FAM210A: variants seen among roughly 807,000 people sequenced by gnomAD.
The protein encoded by FAM210A is mitochondrial inner membrane scaffold 1.
FAM210A carries 13 observed loss-of-function variants against 25.3 expected under a neutral mutation model. The observed-to-expected ratio is 0.51, with a 90% CI of 0.33 to 0.82. The LOEUF is 0.82. Among genes scored for constraint, FAM210A ranks in the 40% least tolerant of loss-of-function variants. The pLI, the probability that FAM210A is intolerant of heterozygous loss-of-function variation, is 0.02. For synonymous variants in FAM210A, 125 were observed against 118.7 expected, an observed-to-expected ratio of 1.05 and a Z score of -0.35; for missense variants, 319 against 323.2, an observed-to-expected ratio of 0.99 and a Z score of 0.10.
chr18:13,711,109 C>T (rs191176006), intron 1 of FAM210A, among the ~76,000 whole-genome samples: 6 of 152,306 alleles, frequency 3.9e-5, no homozygotes, highest in African/African-American at 9.6e-5. Context: ...CGGAGGCTCA[C>T]GCCTGTAATC....
chr18:13,707,896 CT>C (rs376355995), intron 1 of FAM210A, among the ~76,000 whole-genome samples: 5,148 of 147,312 alleles, frequency 0.035, 119 homozygotes, highest in Non-Finnish European at 0.053. Context: ...CATCATTTCC[CT>C]TTTTTTTTTT....
At chr18:13,704,300 A>C (rs1335805544) in intron 1 of FAM210A, among the ~76,000 whole-genome samples, 1 of 152,204 alleles carries the variant, frequency 6.6e-6, no homozygotes, top group East Asian at 1.9e-4. Context: ...AAGTTGCATA[A>C]GGTTTATAAA....
chr18:13,690,649 G>C (rs1418006175), intron 1 of FAM210A, among the ~76,000 whole-genome samples: 1 of 152,206 alleles, frequency 6.6e-6, no homozygotes, highest in Admixed American at 6.5e-5. Context: ...ATAGGGTCTG[G>C]AGTGGACCTC....
intron 1 of FAM210A, among the ~76,000 whole-genome samples, chr18:13,683,893 G>A (rs753236746): frequency 2.1e-4 from 32 of 152,108 alleles, no homozygotes; most frequent in South Asian, 8.3e-4. Flanking sequence ...GTACAAAGTT[G>A]ACTGGCAAAA....
intron 2 of FAM210A, among the ~76,000 whole-genome samples, chr18:13,679,659 C>A (rs1161341596): frequency 6.6e-6 from 1 of 152,076 alleles, no homozygotes; most frequent in African/African-American, 2.4e-5. Context: ...GGTCTAGCAA[C>A]CCGATTCCTA....
At position 13,666,486 on chromosome 18, in the gene FAM210A, C is replaced by A; in HGVS notation, c.813G>T (p.Val271=). The change falls in exon 4 of 4, where the codon GTG becomes GTT. Residue 271 remains valine, a synonymous_variant. Coordinates refer to ENST00000651643, the MANE Select transcript of FAM210A (RefSeq NM_152352.4). ...TKEKVSFKKK[V]E is the part of the protein sequence containing the mutation. ...TACTGCTATATAAGGCACCTTATTC[C>A]ACTTTTTTCTTAAAGGAAACTTTTT... 1 of 1,613,036 alleles carries A rather than the reference C, an allele frequency of 6.2e-7. No individual in the cohort carries two copies. Among genetic ancestry groups the A allele is most frequent in the Non-Finnish European group, 8.5e-7 (1 of 1,179,364 alleles).
At chr18:13,720,807 A>G (rs945959433) in intron 1 of FAM210A, among the ~76,000 whole-genome samples, 3 of 152,206 alleles carry the variant, frequency 2.0e-5, no homozygotes, top group Admixed American at 6.5e-5. Context: ...TCAAGGTGTC[A>G]GTAGGGTTTG....
chr18:13,668,582 T>C (rs1273843923), intron 3 of FAM210A, among the ~76,000 whole-genome samples: 2 of 147,106 alleles, frequency 1.4e-5, no homozygotes, highest in Non-Finnish European at 2.9e-5. Context: ...GGTGAGTCAC[T>C]TAATGGGGAT....
chr18:13,717,131 T>C (rs1262890642), intron 1 of FAM210A, among the ~76,000 whole-genome samples: 2 of 152,192 alleles, frequency 1.3e-5, no homozygotes, highest in African/African-American at 4.8e-5. Context: ...CATCCAATCC[T>C]CTTAAGGCTC....
At chr18:13,693,800 C>T (rs942447929) in intron 1 of FAM210A, among the ~76,000 whole-genome samples, 27 of 152,180 alleles carry the variant, frequency 1.8e-4, no homozygotes, top group South Asian at 1.0e-3. Context: ...AAACTGGAAG[C>T]ATTCCCTTTG....
intron 1 of FAM210A, among the ~76,000 whole-genome samples, chr18:13,688,262 A>G (rs930366019): frequency 5.3e-5 from 8 of 152,128 alleles, no homozygotes; most frequent in Non-Finnish European, 1.2e-4. Context: ...CTCTCTCCCA[A>G]TTGGTTCTTT....
At chr18:13,674,986 CTTTATTT>C (rs2043479981) in intron 2 of FAM210A, among the ~76,000 whole-genome samples, 1 of 147,406 alleles carries the variant, frequency 6.8e-6, no homozygotes, top group African/African-American at 2.5e-5. Context: ...GCCCTGGCTT[CTTTATTT>C]CCTGTTTCCT....
In FAM210A at chr18:13,681,744, G is replaced by T. The variant is rs113181833; in HGVS notation, c.334C>A (p.Pro112Thr). Residue 112 changes from proline (P) to threonine (T), a missense_variant, in exon 2 of 4, where the codon CCT becomes ACT. Physicochemically the swap from Pro to Thr is conservative, Grantham distance 38 (BLOSUM62 -1). Coordinates refer to ENST00000651643, the MANE Select transcript of FAM210A (RefSeq NM_152352.4). The stretch of plus-strand genomic sequence containing the variant: ...ATAGATTTGTCTTGCAAAGGATCAG[G>T]CTCTTCCTTTTTTTCCGGAGTTCCC... ...AQGTPEKKEE[P>T]DPLQDKSISL... 1.2e-6 allele frequency: 2 copies of T among 1,614,132 alleles called. No individual in the cohort carries two copies. Among genetic ancestry groups the T allele is most frequent in the South Asian group, 2.2e-5 (2 of 91,072 alleles).
chr18:13,722,647 G>C (rs1244066756), intron 1 of FAM210A, among the ~76,000 whole-genome samples: 1 of 152,130 alleles, frequency 6.6e-6, no homozygotes, highest in Non-Finnish European at 1.5e-5. Context: ...TTTAATAGCA[G>C]ACCAAGGTGA....
At chr18:13,713,009 T>A (rs192890570) in intron 1 of FAM210A, among the ~76,000 whole-genome samples, 4 of 152,316 alleles carry the variant, frequency 2.6e-5, no homozygotes, top group African/African-American at 9.6e-5. Context: ...AGCTCTATCT[T>A]TCGTTGTTAC....
chr18:13,703,382 G>A (rs1353631453), intron 1 of FAM210A, among the ~76,000 whole-genome samples: 26 of 152,200 alleles, frequency 1.7e-4, no homozygotes, highest in Admixed American at 1.7e-3. Flanking sequence ...TAGGGGGTGG[G>A]CTAATTACAA....
chr18:13,685,568 T>C (rs1239241747), intron 1 of FAM210A, among the ~76,000 whole-genome samples: 2 of 152,168 alleles, frequency 1.3e-5, no homozygotes, highest in African/African-American at 4.8e-5. Flanking sequence ...TAATAACTCT[T>C]CCAACCAATT....
intron 1 of FAM210A, among the ~76,000 whole-genome samples, chr18:13,721,171 T>C (rs1211534172): frequency 6.6e-6 from 1 of 152,132 alleles, no homozygotes; most frequent in Non-Finnish European, 1.5e-5. Context: ...TATGACATAG[T>C]GTTGGAAAGT....
intron 2 of FAM210A, among the ~76,000 whole-genome samples, chr18:13,677,544 A>C (rs977406815): frequency 6.6e-6 from 1 of 152,140 alleles, no homozygotes; most frequent in Non-Finnish European, 1.5e-5. Context: ...TTTCCATACA[A>C]TGTCTGTAAT....
Sources: allele counts gnomAD v4.1 joint callset (sites outside exome capture counted in the v4.1 genomes callset), GRCh38; gene constraint gnomAD v4.1.1; transcripts MANE v1.5; gene names NCBI Gene and HGNC (gene_info 2026-07-23, HGNC 2026-07-21).